The following APEH variants were observed in gnomAD, a reference collection of about 807,000 sequenced individuals.
APEH encodes acylaminoacyl-peptide hydrolase, also known as acylamino-acid-releasing enzyme.
APEH carries 75 observed loss-of-function variants against 102.7 expected under a neutral mutation model. The observed-to-expected ratio is 0.73, with a 90% confidence interval of 0.61 to 0.89. The LOEUF is 0.89. Among genes scored for constraint, APEH ranks in the 40% least tolerant of loss-of-function variants. The pLI is 0.00. For missense variants in APEH, 863 were observed against 941.2 expected, an observed-to-expected ratio of 0.92 and a Z score of 1.09; for synonymous variants, 344 against 362.7, an observed-to-expected ratio of 0.95 and a Z score of 0.59.
chr3:49,677,546 G>A (rs1285145189), intron 10 of APEH, 27 bp from the exon 11 acceptor site: 12 of 1,604,564 alleles, frequency 7.5e-6, no homozygotes, highest in Non-Finnish European at 1.0e-5. Context: ...GTCCCCTACT[G>A]GACCTGACCA....
chr3:49,673,801 C>G (rs3762650), upstream of APEH, among the ~76,000 whole-genome samples: 7 of 145,570 alleles, frequency 4.8e-5, no homozygotes, highest in Admixed American at 6.7e-5. Flanking sequence ...CAACCCTCAC[C>G]CTCACGCTCA....
chr3:49,683,000 C>G (rs2053420909), intron 20 of APEH, 40 bp from the exon 21 acceptor site: 3 of 1,611,224 alleles, frequency 1.9e-6, no homozygotes, highest in Non-Finnish European at 1.7e-6. Context: ...AATCCAGGGC[C>G]CAGCTCAACA....
At chr3:49,675,094 G>T in intron 2 of APEH, 89 bp from the exon 3 acceptor site, 11 of 1,551,980 alleles carry the variant, frequency 7.1e-6, no homozygotes, top group Non-Finnish European at 9.7e-6. Context: ...GGGGAAGATA[G>T]ATCTAGGCCT....
chr3:49,673,662 C>A (rs1325858595), upstream of APEH, among the ~76,000 whole-genome samples: 3 of 152,180 alleles, frequency 2.0e-5, no homozygotes, highest in African/African-American at 7.2e-5. Context: ...TCTTCGTCTG[C>A]GTGGAACTCC....
In APEH at chr3:49,679,529, G is replaced by A. The variant is rs1177544821; in HGVS notation, c.1159-64G>A. Reference sequence around the variant, plus strand: ...AGAGGGTAGAGAGGAGGTAGGGGAGGGACCCATAGGTAGAGGGAGTACTCT... The same window carrying A: ...AGAGGGTAGAGAGGAGGTAGGGGAGAGACCCATAGGTAGAGGGAGTACTCT... On this transcript the variant is annotated intron_variant, in intron 12 of 21. Coordinates refer to ENST00000296456, the MANE Select transcript of APEH (RefSeq NM_001640.4). This position sits in a 1 kb window ranked among gnomAD's most constrained non-coding sequence, Gnocchi z 4.3. The A allele has an allele frequency of 4.5e-6, 7 of 1,552,470 alleles. No individual in the cohort carries two copies. Among genetic ancestry groups the A allele is most frequent in the Non-Finnish European group, 5.3e-6 (6 of 1,125,444 alleles).
intron 14 of APEH, 115 bp downstream of exon 14, chr3:49,680,744 A>G: frequency 1.1e-6 from 1 of 943,448 alleles, no homozygotes; most frequent in Non-Finnish European, 1.6e-6. Context: ...CAGACGGGCC[A>G]AGACACAGGC....
chr3:49,677,631 G>T lies in APEH; in HGVS notation c.1058G>T (p.Gly353Val), dbSNP rs755363525. 8.7e-6 allele frequency: 14 copies of T among 1,613,362 alleles called. No individual in the cohort carries two copies. The highest frequency in any genetic ancestry group is 1.3e-5 in the African/African-American group (1 of 74,906). ...VVVDVVPRQL[G>V]ENFSGIYCSL... ...GTAGATGTTGTGCCTCGGCAGCTGG[G>T]AGGTAAGGCATACCTGGCTGGGTGG... is the stretch of plus-strand genomic sequence containing the variant. Residue 353 changes from glycine to valine, a missense_variant and splice_region_variant, in exon 11 of 22, where the codon GGA becomes GTA. By Grantham distance (109) the Gly-to-Val change is moderately radical (BLOSUM62 -3). Coordinates refer to ENST00000296456, the MANE Select transcript of APEH (RefSeq NM_001640.4).
chr3:49,673,861 T>A (rs1441221645), upstream of APEH: 1 of 142,948 alleles, frequency 7.0e-6, no homozygotes, highest in Non-Finnish European at 1.5e-5. Context: ...GGCTCCACAT[T>A]CCTCGCAGGG....
upstream of APEH, chr3:49,674,046 G>C (rs1458685784): frequency 4.9e-6 from 2 of 404,896 alleles, no homozygotes; most frequent in African/African-American, 4.3e-5. Context: ...CCCGAAGCCG[G>C]GCTCCCGGGT....
At position 49,681,694 on chromosome 3, in the gene APEH, C is replaced by T; in HGVS notation, c.1439-28C>T. ...TAGTTGGGGAAGCCCCTAGGCTCAC[C>T]CTGCTGACTGCTGCCCTCTCCCTGC... On this transcript the variant is annotated intron_variant, in intron 15 of 21. Transcript: ENST00000296456. 2.6e-6 allele frequency: 4 copies of T among 1,531,306 alleles called. No homozygotes were observed. In the South Asian group the frequency reaches 5.1e-5, roughly 19 times the overall value. The allele number at this position is 1,531,306 out of a possible 1,614,324, so 94.9% of individuals were successfully genotyped here.
chr3:49,674,333 T>C, upstream of APEH: 1 of 1,518,884 alleles, frequency 6.6e-7, no homozygotes, highest in Non-Finnish European at 8.8e-7. Context: ...CGTCCCAGGC[T>C]CCGCCCCCGG....
Position 49,679,472 on chromosome 3 carries a change from G to A in APEH, c.1159-121G>A. 1 of 1,011,274 alleles carries A rather than the reference G, an allele frequency of 9.9e-7. No homozygotes were observed. The highest frequency in any genetic ancestry group is 1.5e-6 in the Non-Finnish European group (1 of 652,708). 62.6% of individuals were successfully genotyped at this position (1,011,274 alleles called of 1,614,324 possible). On this transcript the variant is annotated intron_variant, in intron 12 of 21. Coordinates refer to ENST00000296456, the MANE Select transcript of APEH (RefSeq NM_001640.4). This position sits in a 1 kb window ranked among gnomAD's most constrained non-coding sequence, Gnocchi z 4.3. Reference sequence around the variant, plus strand: ...GCACTGAGTAACCATCACCATAGCTGTCCACAGCCTTGGTCTGGCCAGGGC... The same window carrying A: ...GCACTGAGTAACCATCACCATAGCTATCCACAGCCTTGGTCTGGCCAGGGC...
Position 49,674,520 on chromosome 3 carries a change from C to T in APEH, c.44C>T (p.Ala15Val). ...VLLSEPEEAAALYRGLSRQPA... is the reference protein window; with the variant it reads ...VLLSEPEEAAVLYRGLSRQPA... The stretch of plus-strand genomic sequence containing the variant: ...CTGAGCGAGCCCGAGGAGGCGGCGG[C>T]TCTGTATCGGGGCCTTAGCCGCCAG... Residue 15 changes from alanine to valine, a missense_variant, in exon 2 of 22, where the codon GCT (alanine) becomes GTT (valine). Coordinates refer to ENST00000296456, the MANE Select transcript of APEH (RefSeq NM_001640.4). The T allele has an allele frequency of 6.4e-7, 1 of 1,568,296 alleles. No homozygotes were observed. Among genetic ancestry groups the T allele is most frequent in the Non-Finnish European group, 8.6e-7 (1 of 1,165,232 alleles).
At chr3:49,683,019 C>G (rs745883290) in intron 20 of APEH, 21 bp from the exon 21 acceptor site, 1 of 1,612,560 alleles carries the variant, frequency 6.2e-7, no homozygotes, top group Non-Finnish European at 8.5e-7. Context: ...CACAGCTCCC[C>G]ACTCTTCCCC....
upstream of APEH, among the ~76,000 whole-genome samples, chr3:49,673,795 C>CCTCACCCTCACG (rs1199217216): frequency 1.5e-5 from 2 of 136,980 alleles, no homozygotes; most frequent in Non-Finnish European, 3.2e-5. Flanking sequence ...CCCGCCCAAC[C>CCTCACCCTCACG]CTCACCCTCA....
chr3:49,681,642 C>T, intron 15 of APEH, 80 bp from the exon 16 acceptor site: 2 of 1,316,040 alleles, frequency 1.5e-6, no homozygotes, highest in African/African-American at 1.5e-5. Context: ...GAGGTCAGCC[C>T]CACACCTGCA....
At position 49,680,606 on chromosome 3, in the gene APEH, A is replaced by T. The variant is rs371824766; in HGVS notation, c.1276A>T (p.Thr426Ser). ...DQDLMVAQFS[T>S]PSLPPTLKVG... is the part of the protein sequence containing the mutation. ...GGACCTCATGGTGGCACAGTTTTCC[A>T]CACCCAGCCTACCTCCAACCCTGGT... Residue 426 changes from threonine to serine, a missense_variant, in exon 14 of 22, where the codon ACA becomes TCA. Coordinates refer to ENST00000296456, the MANE Select transcript of APEH (RefSeq NM_001640.4). 1 of 1,614,028 alleles carries T rather than the reference A, an allele frequency of 6.2e-7. No individual in the cohort carries two copies. Among genetic ancestry groups the T allele is most frequent in the African/African-American group, 1.3e-5 (1 of 75,032 alleles).
chr3:49,677,022 C>G lies in APEH; in HGVS notation c.997C>G (p.Leu333Val), dbSNP rs963864652. 7 of 1,613,966 alleles carry G rather than the reference C, an allele frequency of 4.3e-6. No homozygotes were observed. Among genetic ancestry groups the G allele is most frequent in the Middle Eastern group, 3.3e-4 (2 of 6,084 alleles). Residue 333 changes from leucine (L) to valine (V), a missense_variant and splice_region_variant, in exon 10 of 22, where the codon CTG (leucine) becomes GTG (valine). Physicochemically the swap from Leu to Val is conservative, Grantham distance 32 (BLOSUM62 1). Transcript: ENST00000296456. ...IPHHQCSQLC[L>V]YDWYTKVTSV... ...CCATCACCAATGCAGCCAGCTGTGC[C>G]TGGTGAGCTGGAGGTGGCAGGGATG...
chr3:49,681,396 C>T (rs1372845891), intron 15 of APEH, among the ~76,000 whole-genome samples, 157 bp downstream of exon 15: 3 of 152,226 alleles, frequency 2.0e-5, no homozygotes, highest in African/African-American at 7.2e-5. Flanking sequence ...TGGGAAGTAG[C>T]ATCTAGACAT....
Sources: gnomAD v4.1 joint callset for allele counts (sites outside exome capture counted in the v4.1 genomes callset) on GRCh38, gnomAD v4.1.1 for gene constraint, Gnocchi (gnomAD v3.1) non-coding constraint, MANE v1.5 for transcripts, NCBI Gene and HGNC (gene_info 2026-07-23, HGNC 2026-07-21) for gene names.